The following RERE variants were observed in gnomAD, a reference collection of about 807,000 sequenced individuals.
The protein encoded by RERE is arginine-glutamic acid dipeptide repeats.
A neutral mutation model predicts 146.1 loss-of-function variants in RERE; 40 were observed. That is an observed-to-expected ratio of 0.27 (90% CI 0.21 to 0.36). The LOEUF (loss-of-function observed/expected upper bound fraction) is 0.36. Among genes scored for constraint, RERE ranks in the 10% least tolerant of loss-of-function variants. The pLI is 1.00. For missense variants in RERE, 1,933 were observed against 2,138.7 expected (o/e 0.90, Z 1.90); for synonymous variants, 1,003 against 866.0 (o/e 1.16, Z -2.78).
chr1:8,513,530 G>A (rs909317481), intron 7 of RERE, among the ~76,000 whole-genome samples: 5 of 152,142 alleles, frequency 3.3e-5, no homozygotes, highest in African/African-American at 1.2e-4. Context: ...CAAGTTCCCG[G>A]CACTCTGGGG....
chr1:8,615,779 C>T (rs917678037), intron 3 of RERE, among the ~76,000 whole-genome samples: 1 of 152,078 alleles, frequency 6.6e-6, no homozygotes, highest in African/African-American at 2.4e-5. Context: ...AAGCTCCCTA[C>T]ACATAGACAC....
chr1:8,501,195 C>T (rs1471602043), intron 8 of RERE, among the ~76,000 whole-genome samples: 3 of 149,356 alleles, frequency 2.0e-5, no homozygotes, highest in South Asian at 2.1e-4. Context: ...CCGCCCCGTC[C>T]GGGAGGGAGG....
At chr1:8,401,492 G>A (rs948637872) in intron 12 of RERE, among the ~76,000 whole-genome samples, 1 of 152,056 alleles carries the variant, frequency 6.6e-6, no homozygotes, top group East Asian at 1.9e-4. Flanking sequence ...GGGTGCAGTG[G>A]CTCATGCCTA....
At chr1:8,781,766 T>C (rs1294557783) in intron 1 of RERE, among the ~76,000 whole-genome samples, 1 of 151,588 alleles carries the variant, frequency 6.6e-6, no homozygotes, top group Non-Finnish European at 1.5e-5. Flanking sequence ...GCCTATTCCT[T>C]ACAAAGAAAA....
At chr1:8,409,886 A>C (rs1445218522) in intron 12 of RERE, among the ~76,000 whole-genome samples, 1 of 151,686 alleles carries the variant, frequency 6.6e-6, no homozygotes, top group Admixed American at 6.6e-5. Context: ...GGGCTCTGGC[A>C]CTGGAAATCT....
At chr1:8,536,255 G>C (rs935737326) in intron 7 of RERE, among the ~76,000 whole-genome samples, 1 of 152,084 alleles carries the variant, frequency 6.6e-6, no homozygotes, top group African/African-American at 2.4e-5. Context: ...CTTACTGATG[G>C]AGAAACAGAG....
intron 1 of RERE, among the ~76,000 whole-genome samples, chr1:8,762,512 T>C (rs1003174079): frequency 2.0e-5 from 3 of 152,160 alleles, no homozygotes; most frequent in African/African-American, 7.2e-5. Context: ...AAACCAGCCC[T>C]TTTTGGTTCC....
intron 12 of RERE, among the ~76,000 whole-genome samples, chr1:8,403,433 C>T (rs1240890103): frequency 8.0e-5 from 11 of 137,320 alleles, no homozygotes; most frequent in Non-Finnish European, 1.1e-4. Flanking sequence ...TTCATATTTT[C>T]TTTTTTTTTT....
chr1:8,368,500 G>T (rs1347064333), intron 12 of RERE, among the ~76,000 whole-genome samples: 1 of 145,556 alleles, frequency 6.9e-6, no homozygotes, highest in African/African-American at 2.5e-5. Flanking sequence ...AAAAAAAAAA[G>T]CTTGGGATGT....
At chr1:8,410,816 G>A (rs1304617300) in intron 12 of RERE, among the ~76,000 whole-genome samples, 2 of 152,128 alleles carry the variant, frequency 1.3e-5, no homozygotes, top group Non-Finnish European at 2.9e-5. Context: ...TCGGCACTTG[G>A]TTTCCCTCCA....
chr1:8,803,113 T>C (rs1446526026), intron 1 of RERE, among the ~76,000 whole-genome samples: 1 of 152,234 alleles, frequency 6.6e-6, no homozygotes, highest in Non-Finnish European at 1.5e-5. Context: ...ACAGTTTACA[T>C]GCTGAGGCAA....
chr1:8,466,066 C>A (rs1183060044), intron 10 of RERE, 43 bp from the exon 11 acceptor site: 1 of 1,511,648 alleles, frequency 6.6e-7, no homozygotes, highest in East Asian at 2.3e-5. Flanking sequence ...CACCAAATAA[C>A]AGACAGGACA....
At chr1:8,604,618 G>GAGGA (rs1237300749) in intron 4 of RERE, among the ~76,000 whole-genome samples, 1 of 66,066 alleles carries the variant, frequency 1.5e-5, no homozygotes, top group Admixed American at 1.6e-4. Flanking sequence ...GGGAGGGAGG[G>GAGGA]AGGGAGGAAG....
In RERE at chr1:8,361,407, G is replaced by A; in HGVS notation, c.2100C>T (p.Asp700=). The A allele has an allele frequency of 6.2e-7, 1 of 1,613,888 alleles. No homozygotes were observed. Among genetic ancestry groups the A allele is most frequent in the Non-Finnish European group, 8.5e-7 (1 of 1,179,896 alleles). The part of the protein sequence containing the change: ...SRSVNDEGSS[D]PKDIDQDNRS... ...GATTGTCCTGGTCGATGTCTTTGGGGTCACTGCTACCCTCATCGTTGACGC... is the reference window on the plus strand; with the variant it reads ...GATTGTCCTGGTCGATGTCTTTGGGATCACTGCTACCCTCATCGTTGACGC... Residue 700 remains aspartate, a synonymous_variant, in exon 18 of 23, where the codon GAC becomes GAT. Transcript: ENST00000400908.
At chr1:8,767,843 G>A (rs1640877336) in intron 1 of RERE, among the ~76,000 whole-genome samples, 1 of 151,626 alleles carries the variant, frequency 6.6e-6, no homozygotes, top group South Asian at 2.1e-4. Flanking sequence ...GTGCACGCCT[G>A]TAGTCCCAGC....
Position 8,360,105 on chromosome 1 carries a change from A to G in RERE, c.3395+7T>C, listed in dbSNP as rs768320449. The G allele has an allele frequency of 6.3e-7, 1 of 1,576,536 alleles. No homozygotes were observed. The highest frequency in any genetic ancestry group is 8.6e-7 in the Non-Finnish European group (1 of 1,159,218). ...CCTGACCCGTCCTGGAGCCCTAGGA[A>G]GCGTACCTAGCTGACTGGCTGGCGT... is the stretch of plus-strand genomic sequence containing the variant. On this transcript the variant is annotated splice_region_variant and intron_variant, in intron 18 of 22. Transcript: ENST00000400908.
chr1:8,654,412 C>G (rs1638220816), intron 2 of RERE, among the ~76,000 whole-genome samples: 1 of 152,112 alleles, frequency 6.6e-6, no homozygotes, highest in African/African-American at 2.4e-5. Context: ...AAGTTCATAA[C>G]AGTAACAGCA....
chr1:8,790,308 C>T (rs934935597), intron 1 of RERE, among the ~76,000 whole-genome samples: 1 of 152,176 alleles, frequency 6.6e-6, no homozygotes, highest in Admixed American at 6.5e-5. Context: ...ACATGTGTTC[C>T]TAATGTGGGC....
intron 20 of RERE, among the ~76,000 whole-genome samples, chr1:8,357,452 C>T (rs978443564): frequency 9.2e-5 from 14 of 152,240 alleles, no homozygotes; most frequent in South Asian, 6.2e-4. Flanking sequence ...CTCTATCAGT[C>T]ATCCTGCCCC....
Sources: gnomAD v4.1 joint callset for allele counts (sites outside exome capture counted in the v4.1 genomes callset) on GRCh38, gnomAD v4.1.1 for gene constraint, MANE v1.5 for transcripts, NCBI Gene and HGNC (gene_info 2026-07-23, HGNC 2026-07-21) for gene names.